BTAF1: variants seen among roughly 807,000 people sequenced by gnomAD.
BTAF1 encodes B-TFIID TATA-box binding protein associated factor 1, also known as TATA-binding protein-associated factor 172.
Under a neutral mutation model 227.1 loss-of-function variants are expected in BTAF1, and 38 were observed. The ratio of observed to expected loss-of-function variants is 0.17; its 90% CI spans 0.13 to 0.22. The LOEUF is 0.22. BTAF1 is among the 10% of genes least tolerant of loss of function. The pLI, the probability that BTAF1 is intolerant of heterozygous loss-of-function variation, is 1.00. For missense variants in BTAF1, 1,598 were observed against 2,204.0 expected, an observed-to-expected ratio of 0.73 and a Z score of 5.51; for synonymous variants, 742 against 751.9, an observed-to-expected ratio of 0.99 and a Z score of 0.21.
intron 35 of BTAF1, among the ~76,000 whole-genome samples, chr10:92,025,533 G>A (rs899067619): frequency 7.9e-5 from 12 of 151,932 alleles, no homozygotes; most frequent in East Asian, 1.9e-4. Context: ...CCAGCTGAGC[G>A]CGGTGACTCA....
At chr10:91,943,957 C>T (rs1268185338) in intron 4 of BTAF1, among the ~76,000 whole-genome samples, 1 of 152,074 alleles carries the variant, frequency 6.6e-6, no homozygotes, top group African/African-American at 2.4e-5. Context: ...TCGAGACCAG[C>T]CTGGCCAACA....
intron 25 of BTAF1, 24 bp from the exon 26 acceptor site, chr10:92,008,099 A>G: frequency 1.3e-6 from 2 of 1,557,034 alleles, no homozygotes; most frequent in Middle Eastern, 1.7e-4. Context: ...GTAGTTTTTA[A>G]TAACTTTAAA....
intron 2 of BTAF1, 79 bp downstream of exon 2, chr10:91,935,859 A>C: frequency 8.0e-7 from 1 of 1,254,016 alleles, no homozygotes; most frequent in Non-Finnish European, 1.1e-6. Flanking sequence ...AATAAAGGTA[A>C]ACATCATCTT....
Position 91,927,920 on chromosome 10 carries a change from G to A in BTAF1, c.14+3830G>A, listed in dbSNP as rs528417479. Among the ~76,000 whole-genome samples, 3 of 150,438 alleles carry A rather than the reference G, an allele frequency of 2.0e-5. No individual in the cohort carries two copies. In the East Asian group the frequency reaches 5.9e-4, roughly 29 times the overall value. ...GGAGTATGATTTTACCGTAATTTGT[G>A]CATAGTAGACTATTTCCAGTGTTTT... On this transcript the variant is annotated intron_variant, in intron 1 of 37. Coordinates refer to ENST00000265990, the MANE Select transcript of BTAF1 (RefSeq NM_003972.3).
intron 14 of BTAF1, among the ~76,000 whole-genome samples, chr10:91,975,321 A>G (rs1847606494): frequency 6.6e-6 from 1 of 152,230 alleles, no homozygotes; most frequent in Non-Finnish European, 1.5e-5. Flanking sequence ...TAACATACAC[A>G]AATAAGTAGG....
chr10:92,013,377 C>T (rs1850501325), intron 30 of BTAF1, among the ~76,000 whole-genome samples: 1 of 152,106 alleles, frequency 6.6e-6, no homozygotes, highest in South Asian at 2.1e-4. Flanking sequence ...TATCTTTCTG[C>T]TCTTCTATTT....
intron 11 of BTAF1, among the ~76,000 whole-genome samples, chr10:91,961,085 C>G (rs1310855308): frequency 6.6e-6 from 1 of 152,078 alleles, no homozygotes; most frequent in Admixed American, 6.6e-5. Flanking sequence ...CACCATAGAT[C>G]TAGTGACAGA....
chr10:91,967,407 G>T (rs569767121), intron 14 of BTAF1, among the ~76,000 whole-genome samples: 2 of 152,282 alleles, frequency 1.3e-5, no homozygotes, highest in South Asian at 2.1e-4. Flanking sequence ...AGATTTAGGG[G>T]ATTATCAATA....
In BTAF1 at chr10:91,956,660, A is replaced by G. The variant is rs1303013438; in HGVS notation, c.831+3A>G. 1 of 1,609,044 alleles carries G rather than the reference A, an allele frequency of 6.2e-7. No homozygotes were observed. Among genetic ancestry groups the G allele is most frequent in the Non-Finnish European group, 8.5e-7 (1 of 1,178,758 alleles). ...ACAGCTCTTCCTTAATTGAAGAGGT[A>G]CTCTTGAAAGACTCTAAAGTATCCA... On this transcript the variant is annotated splice_donor_region_variant and intron_variant, in intron 7 of 37. Transcript: ENST00000265990.
At chr10:91,934,705 C>G (rs1489182073) in intron 1 of BTAF1, among the ~76,000 whole-genome samples, 1 of 152,166 alleles carries the variant, frequency 6.6e-6, no homozygotes, top group Non-Finnish European at 1.5e-5. Flanking sequence ...CCACTCTTCT[C>G]TTAAGTGTAC....
chr10:92,025,354 G>T (rs1172825727), intron 35 of BTAF1, among the ~76,000 whole-genome samples: 1 of 151,840 alleles, frequency 6.6e-6, no homozygotes, highest in African/African-American at 2.4e-5. Context: ...TTGGAATCTG[G>T]CCCAGCTAGG....
At chr10:91,960,469 C>T (rs1846423163) in intron 11 of BTAF1, among the ~76,000 whole-genome samples, 1 of 152,090 alleles carries the variant, frequency 6.6e-6, no homozygotes, top group Admixed American at 6.6e-5. Flanking sequence ...ATATTGAATA[C>T]ATGCTCTGAG....
At position 91,994,414 on chromosome 10, in the gene BTAF1, T is replaced by G. The variant is rs1849001852; in HGVS notation, c.3200-121T>G. 3 of 621,178 alleles carry G rather than the reference T, an allele frequency of 4.8e-6. No individual in the cohort carries two copies. In the East Asian group the frequency reaches 8.4e-5, roughly 17 times the overall value. 38.5% of individuals were successfully genotyped at this position (621,178 alleles called of 1,614,324 possible). On this transcript the variant is annotated intron_variant, in intron 22 of 37. Transcript: ENST00000265990. The stretch of plus-strand genomic sequence containing the variant: ...CTTAAATTAAGGTCATGGCATTTAA[T>G]TTTAACACTAAGAAGCAAAATTGAC...
At chr10:92,028,618 A>G (rs1851686625) in intron 37 of BTAF1, among the ~76,000 whole-genome samples, 172 bp from the exon 38 acceptor site, 1 of 152,160 alleles carries the variant, frequency 6.6e-6, no homozygotes, top group African/African-American at 2.4e-5. Context: ...GTTCTTTCCA[A>G]ATAAAAAACT....
At chr10:91,926,808 G>C (rs1200115391) in intron 1 of BTAF1, among the ~76,000 whole-genome samples, 1 of 152,072 alleles carries the variant, frequency 6.6e-6, no homozygotes, top group Non-Finnish European at 1.5e-5. Context: ...TCTGTTCTTC[G>C]CTTCAGTCAT....
rs1301431499 is a variant in BTAF1 at position 92,022,973 on chromosome 10, T to C, written c.4864-1783T>C. On this transcript the variant is annotated intron_variant, in intron 34 of 37. Transcript: ENST00000265990. ...GAGAACATGTGTTCTTCCTCAAGCA[T>C]TGAATTGTGACAATAGATGTGAAAT... 1.4e-4 allele frequency among the ~76,000 whole-genome samples: 22 copies of C among 152,170 alleles called. 1 individual carries two copies. The highest frequency in any genetic ancestry group is 1.4e-3 in the Admixed American group (22 of 15,266).
chr10:91,926,719 T>G (rs1843860439), intron 1 of BTAF1, among the ~76,000 whole-genome samples: 1 of 152,244 alleles, frequency 6.6e-6, no homozygotes, highest in South Asian at 2.1e-4. Context: ...TATGTATCAA[T>G]GTATTTGGTA....
chr10:91,940,818 G>A (rs1844941918), intron 3 of BTAF1, among the ~76,000 whole-genome samples: 1 of 152,024 alleles, frequency 6.6e-6, no homozygotes, highest in Admixed American at 6.6e-5. Context: ...CCAAGTAGCT[G>A]CGATTACAGT....
intron 30 of BTAF1, among the ~76,000 whole-genome samples, chr10:92,013,102 AG>A (rs1277366255): frequency 6.6e-6 from 1 of 152,196 alleles, no homozygotes; most frequent in Non-Finnish European, 1.5e-5. Context: ...TTAAAGGGGA[AG>A]GTGGGTAAAA....
Sources: allele counts gnomAD v4.1 joint callset (sites outside exome capture counted in the v4.1 genomes callset), GRCh38; gene constraint gnomAD v4.1.1; transcripts MANE v1.5; gene names NCBI Gene and HGNC (gene_info 2026-07-23, HGNC 2026-07-21).